The following SORBS2 variants were observed in gnomAD, a reference collection of about 807,000 sequenced individuals.
The protein encoded by SORBS2 is sorbin and SH3 domain containing 2.
In SORBS2, 46 loss-of-function variants were observed where a neutral mutation model predicts 97.7. The ratio of observed to expected loss-of-function variants is 0.47; its 90% CI spans 0.37 to 0.60. SORBS2 has a LOEUF of 0.60. SORBS2 is among the 20% of genes least tolerant of loss of function. The pLI is 0.00. For missense variants in SORBS2, 1,316 were observed against 1,282.3 expected, an observed-to-expected ratio of 1.03 and a Z score of -0.40; for synonymous variants, 476 against 473.4, an observed-to-expected ratio of 1.01 and a Z score of -0.07.
chr4:185,638,782 C>T (rs2097073201), intron 4 of SORBS2, 95 bp downstream of exon 14: 1 of 1,223,762 alleles, frequency 8.2e-7, no homozygotes, highest in Non-Finnish European at 1.1e-6. Context: ...GCGAGCGGGA[C>T]CCGGGGGAGT....
chr4:185,930,439 C>T (rs1159525955), intron 1 of SORBS2, among the ~76,000 whole-genome samples: 9 of 151,432 alleles, frequency 5.9e-5, no homozygotes, highest in Non-Finnish European at 8.8e-5. Flanking sequence ...GGACTACAGG[C>T]GACCGCCACC....
chr4:185,624,694 C>G (rs77675640), intron 6 of SORBS2, among the ~76,000 whole-genome samples, 200 bp from the exon 19 acceptor site: 1,674 of 152,262 alleles, frequency 0.011, 32 homozygotes, highest in African/African-American at 0.037. Context: ...CGAGCTAATA[C>G]TTTTTCAGTG....
In SORBS2 at chr4:185,942,937, G is replaced by A. The variant is rs371418539; in HGVS notation, c.-338+13259C>T. Among the ~76,000 whole-genome samples the A allele has an allele frequency of 7.9e-5, 12 of 152,196 alleles. No homozygotes were observed. The East Asian group carries it at 1.9e-3, about 25-fold the overall frequency. The stretch of plus-strand genomic sequence containing the variant: ...CTGAGAGTGTGACTGAAAAAAATGT[G>A]GTTTACACCCAGATGATGAACTGAC... On this transcript the variant is annotated intron_variant, in intron 1 of 20. Transcript: ENST00000284776.
At chr4:185,844,150 C>G (rs1030584756) in intron 1 of SORBS2, among the ~76,000 whole-genome samples, 1 of 152,118 alleles carries the variant, frequency 6.6e-6, no homozygotes, top group African/African-American at 2.4e-5. Flanking sequence ...AGACTGGAAC[C>G]ATATGTGTAA....
At chr4:185,835,092 T>C (rs1043052479) in intron 1 of SORBS2, among the ~76,000 whole-genome samples, 6 of 152,324 alleles carry the variant, frequency 3.9e-5, no homozygotes, top group African/African-American at 1.4e-4. Flanking sequence ...GTCTTGCTCC[T>C]GCCTGTAAGA....
At chr4:185,653,401 G>T (rs532260299) in intron 1 of SORBS2, among the ~76,000 whole-genome samples, 1 of 152,200 alleles carries the variant, frequency 6.6e-6, no homozygotes, top group Non-Finnish European at 1.5e-5. Context: ...TCGGACATGA[G>T]GGGAGCAGTA....
At chr4:185,768,051 T>C (rs1321597790) in intron 2 of SORBS2, among the ~76,000 whole-genome samples, 2 of 152,168 alleles carry the variant, frequency 1.3e-5, no homozygotes, top group Non-Finnish European at 2.9e-5. Context: ...ATACCACTGA[T>C]TTTCTAGTAC....
chr4:185,862,823 C>A (rs1446103821), intron 1 of SORBS2, among the ~76,000 whole-genome samples: 2 of 152,162 alleles, frequency 1.3e-5, no homozygotes, highest in Non-Finnish European at 2.9e-5. Context: ...GTGGGGCTGT[C>A]TTCCCTCCTC....
At chr4:185,640,318 G>A (rs1257484353) in intron 4 of SORBS2, among the ~76,000 whole-genome samples, 1 of 152,208 alleles carries the variant, frequency 6.6e-6, no homozygotes, top group Non-Finnish European at 1.5e-5. Flanking sequence ...GTCTCTGCAT[G>A]AACACAGTAA....
chr4:185,886,246 T>G (rs1173280685), intron 1 of SORBS2, among the ~76,000 whole-genome samples: 2 of 152,132 alleles, frequency 1.3e-5, no homozygotes, highest in Admixed American at 6.5e-5. Flanking sequence ...TAAGGTGTTC[T>G]AGGCTGCAAT....
chr4:185,712,855 T>A (rs72702058), intron 2 of SORBS2, among the ~76,000 whole-genome samples: 1 of 152,156 alleles, frequency 6.6e-6, no homozygotes, highest in Non-Finnish European at 1.5e-5. Context: ...CAGGGGAATA[T>A]CCTGCATCGC....
At chr4:185,945,904 A>G (rs531155862) in intron 1 of SORBS2, among the ~76,000 whole-genome samples, 10 of 152,250 alleles carry the variant, frequency 6.6e-5, no homozygotes, top group African/African-American at 2.2e-4. Flanking sequence ...CAGAAAGGCA[A>G]GGGTGGTGGA....
At chr4:185,931,319 T>A (rs2099266324) in intron 1 of SORBS2, among the ~76,000 whole-genome samples, 1 of 152,080 alleles carries the variant, frequency 6.6e-6, no homozygotes, top group Non-Finnish European at 1.5e-5. Context: ...AAGCTTATGG[T>A]CTAATTATAA....
At chr4:185,708,167 G>T (rs931180131) in intron 2 of SORBS2, among the ~76,000 whole-genome samples, 9 of 152,188 alleles carry the variant, frequency 5.9e-5, no homozygotes, top group African/African-American at 1.9e-4. Flanking sequence ...CTCTCCAGGG[G>T]AGATGTTCTT....
At chr4:185,833,939 T>C (rs1245525740) in intron 1 of SORBS2, among the ~76,000 whole-genome samples, 3 of 152,224 alleles carry the variant, frequency 2.0e-5, no homozygotes, top group African/African-American at 7.2e-5. Context: ...GTCTGATTCC[T>C]GGAACATAAC....
In SORBS2 at chr4:185,623,779, C is replaced by T; in HGVS notation, c.1350G>A (p.Lys450=). ...GCAAATACTCAATGGAAAACCGCCT[C>T]TTGGGACATAGGCCATTTTGCGGTG... The change falls in exon 7 of 15, where the codon AAG becomes AAA. Residue 450 remains lysine, a synonymous_variant. Transcript: ENST00000418609. The surrounding 1 kb of genome is among the most constrained non-coding windows in gnomAD (Gnocchi z 6.4). 1.2e-6 allele frequency: 2 copies of T among 1,614,198 alleles called. No individual in the cohort carries two copies. Among genetic ancestry groups the T allele is most frequent in the Non-Finnish European group, 1.7e-6 (2 of 1,180,030 alleles).
Position 185,789,063 on chromosome 4 carries a change from C to G in SORBS2, c.-337-13697G>C, listed in dbSNP as rs149070947. 3.3e-3 allele frequency among the ~76,000 whole-genome samples: 496 copies of G among 152,296 alleles called. 1 individual carries two copies. Among genetic ancestry groups the G allele is most frequent in the African/African-American group, 0.011 (475 of 41,568 alleles). On this transcript the variant is annotated intron_variant, in intron 1 of 20. Transcript: ENST00000284776. ...ATTCCTGGGCCGCAGAACACACCTG[C>G]GCTCTGGACTCCAATTATTCTTTGG...
chr4:185,932,857 G>A (rs2099267144), intron 1 of SORBS2: 1 of 152,224 alleles, frequency 6.6e-6, no homozygotes, highest in African/African-American at 2.4e-5. Context: ...CATGATAAAT[G>A]CAGATGTTTA....
intron 2 of SORBS2, among the ~76,000 whole-genome samples, chr4:185,763,170 C>CAG (rs1220895601): frequency 1.3e-5 from 2 of 151,454 alleles, no homozygotes; most frequent in African/African-American, 4.8e-5. Context: ...GCCTGGGTGA[C>CAG]AGAGAGAGAC....
Sources: gnomAD v4.1 joint callset for allele counts (sites outside exome capture counted in the v4.1 genomes callset) on GRCh38, gnomAD v4.1.1 for gene constraint, Gnocchi (gnomAD v3.1) non-coding constraint, MANE v1.5 for transcripts, NCBI Gene and HGNC (gene_info 2026-07-23, HGNC 2026-07-21) for gene names.